RNFT2: variants seen among roughly 807,000 people sequenced by gnomAD.
RNFT2 encodes the protein E3 ubiquitin-protein ligase RNFT2.
Under a neutral mutation model 53.0 loss-of-function variants are expected in RNFT2, and 36 were observed. That is an observed-to-expected ratio of 0.68 (90% CI 0.52 to 0.90). The LOEUF (loss-of-function observed/expected upper bound fraction) is 0.90. RNFT2 is among the 40% of genes least tolerant of loss of function. The pLI is 0.00. For synonymous variants in RNFT2, 260 were observed against 253.2 expected (o/e 1.03, Z -0.26); for missense variants, 514 against 585.6 (o/e 0.88, Z 1.26).
At chr12:116,811,196 A>C (rs571011180) in intron 7 of RNFT2, among the ~76,000 whole-genome samples, 84 of 152,218 alleles carry the variant, frequency 5.5e-4, no homozygotes, top group African/African-American at 2.0e-3. Flanking sequence ...CTTGAGCCCA[A>C]GAGTTCAAGT....
chr12:116,774,692 A>C (rs1377664461), intron 6 of RNFT2, among the ~76,000 whole-genome samples: 1 of 151,598 alleles, frequency 6.6e-6, no homozygotes, highest in African/African-American at 2.4e-5. Context: ...CCATAAAAGC[A>C]ATTTGAGGAC....
At chr12:116,750,895 TATATATATATATA>T (rs1339478011) in intron 4 of RNFT2, among the ~76,000 whole-genome samples, 7 of 8,304 alleles carry the variant, frequency 8.4e-4, no homozygotes, top group Non-Finnish European at 1.6e-3. Context: ...ATATATAATA[TATATATATATATA>T]TTTTTTTTTG....
intron 7 of RNFT2, among the ~76,000 whole-genome samples, chr12:116,808,727 A>C (rs533575668): frequency 1.3e-5 from 2 of 152,272 alleles, no homozygotes; most frequent in South Asian, 4.1e-4. Context: ...TATTGAACCA[A>C]ATGATACTGT....
intron 7 of RNFT2, among the ~76,000 whole-genome samples, chr12:116,797,809 A>C (rs114064259): frequency 0.02 from 3,121 of 152,290 alleles, 116 homozygotes; most frequent in African/African-American, 0.071. Flanking sequence ...ATTTATACCT[A>C]CTTTTAATTA....
At chr12:116,783,257 G>A (rs920185059) in intron 7 of RNFT2, among the ~76,000 whole-genome samples, 7 of 152,202 alleles carry the variant, frequency 4.6e-5, no homozygotes, top group East Asian at 1.9e-4. Context: ...TCTCCCAGCT[G>A]TCTGACCTCT....
At chr12:116,822,480 T>A (rs750125843) in intron 7 of RNFT2, among the ~76,000 whole-genome samples, 6 of 152,136 alleles carry the variant, frequency 3.9e-5, no homozygotes, top group Admixed American at 3.9e-4. Flanking sequence ...ATCTAACTTT[T>A]CTGTGCCTCC....
Position 116,750,029 on chromosome 12 carries a change from T to A in RNFT2, c.272T>A (p.Met91Lys). The A allele has an allele frequency of 6.4e-7, 1 of 1,552,986 alleles. No individual in the cohort carries two copies. ...SAGGGDVFIQ[M>K]PASREEGGGR... ...GGCGGCGGGGACGTGTTCATCCAGA[T>A]GCCCGCGTCCAGGGAGGAAGGAGGG... is the stretch of plus-strand genomic sequence containing the variant. Residue 91 changes from methionine (M) to lysine (K), a missense_variant, in exon 4 of 11, where the codon ATG becomes AAG. By Grantham distance (95) the Met-to-Lys change is moderately conservative. Transcript: ENST00000257575.
At chr12:116,775,010 C>T (rs1205743166) in intron 6 of RNFT2, among the ~76,000 whole-genome samples, 1 of 151,880 alleles carries the variant, frequency 6.6e-6, no homozygotes, top group South Asian at 2.1e-4. Flanking sequence ...GCCTGTAATC[C>T]AAGCACTTTG....
At chr12:116,756,588 T>C (rs1429916841) in intron 5 of RNFT2, among the ~76,000 whole-genome samples, 2 of 152,238 alleles carry the variant, frequency 1.3e-5, no homozygotes, top group African/African-American at 4.8e-5. Context: ...GAAATGATCA[T>C]GTGATTTTTG....
rs1030841271 is a variant in RNFT2 at position 116,821,890 on chromosome 12, A to G, written c.883-11902A>G. Among the ~76,000 whole-genome samples, 4 of 123,464 alleles carry G rather than the reference A, an allele frequency of 3.2e-5. No homozygotes were observed. The East Asian group carries it at 1.1e-3, about 34-fold the overall frequency. The allele number at this position is 123,464 out of a possible 152,430, so 81.0% of individuals were successfully genotyped here. On this transcript the variant is annotated intron_variant, in intron 7 of 10. Transcript: ENST00000257575. ...GGAGTGCATGGAGTGCATGGAGTGC[A>G]GTGGCGCAACCTCAGCCCACTGCAG... is the stretch of plus-strand genomic sequence containing the variant.
intron 7 of RNFT2, among the ~76,000 whole-genome samples, chr12:116,795,162 T>C (rs1221775739): frequency 6.6e-6 from 1 of 152,052 alleles, no homozygotes; most frequent in Non-Finnish European, 1.5e-5. Context: ...TCCCAGCACT[T>C]TGGGAGGCCA....
chr12:116,785,293 G>GTTTGTTTTGTTTTGTTTTGT (rs141129361), intron 7 of RNFT2, among the ~76,000 whole-genome samples: 1,592 of 146,114 alleles, frequency 0.011, 31 homozygotes, highest in African/African-American at 0.039. Flanking sequence ...GGGGTTGTTT[G>GTTTGTTTTGTTTTGTTTTGT]TTTGTTTTGT....
chr12:116,818,753 G>A (rs537209993), intron 7 of RNFT2, among the ~76,000 whole-genome samples: 1 of 152,336 alleles, frequency 6.6e-6, no homozygotes, highest in African/African-American at 2.4e-5. Flanking sequence ...TCCCAGTTCT[G>A]CAGCAAGTAA....
At chr12:116,816,252 C>T (rs565200383) in intron 7 of RNFT2, among the ~76,000 whole-genome samples, 53 of 152,136 alleles carry the variant, frequency 3.5e-4, no homozygotes, top group African/African-American at 9.9e-4. Context: ...TGCTGGGGCA[C>T]GTGCGCTGGG....
intron 4 of RNFT2, among the ~76,000 whole-genome samples, chr12:116,750,828 T>A (rs1872171205): frequency 4.1e-4 from 1 of 2,460 alleles, no homozygotes; most frequent in Admixed American, 0.011. Context: ...ATTATATATA[T>A]AATATATATA....
chr12:116,761,653 C>A (rs900119266), intron 5 of RNFT2, among the ~76,000 whole-genome samples: 9 of 152,290 alleles, frequency 5.9e-5, no homozygotes, highest in African/African-American at 2.2e-4. Context: ...ATTTTTCTGT[C>A]ATTTTCCCAC....
At chr12:116,785,880 C>T (rs1873912132) in intron 7 of RNFT2, among the ~76,000 whole-genome samples, 1 of 151,962 alleles carries the variant, frequency 6.6e-6, no homozygotes, top group African/African-American at 2.4e-5. Flanking sequence ...GAAACCCTGT[C>T]TCTACAAAAA....
intron 7 of RNFT2, among the ~76,000 whole-genome samples, chr12:116,804,713 G>A (rs998816269): frequency 1.3e-5 from 2 of 152,176 alleles, no homozygotes; most frequent in African/African-American, 4.8e-5. Context: ...GCTCACGCCT[G>A]TAATCCCAGC....
chr12:116,816,436 A>G (rs16947036), intron 7 of RNFT2, among the ~76,000 whole-genome samples: 5,422 of 152,278 alleles, frequency 0.036, 337 homozygotes, highest in African/African-American at 0.12. Flanking sequence ...CCATAGCACC[A>G]GAGGCGATCG....
Sources: gnomAD v4.1 joint callset for allele counts (sites outside exome capture counted in the v4.1 genomes callset) on GRCh38, gnomAD v4.1.1 for gene constraint, MANE v1.5 for transcripts, NCBI Gene and HGNC (gene_info 2026-07-23, HGNC 2026-07-21) for gene names.